The following PSME3IP1 variants were observed in gnomAD, a reference collection of about 807,000 sequenced individuals.
PSME3IP1 encodes the protein proteasome activator subunit 3 interacting protein 1.
PSME3IP1 carries 13 observed loss-of-function variants against 34.1 expected under a neutral mutation model. The ratio of observed to expected loss-of-function variants is 0.38; its 90% CI spans 0.25 to 0.61. The LOEUF is 0.61. Ranked by LOEUF, PSME3IP1 falls within the 20% of genes least tolerant of loss-of-function variation. PSME3IP1 has a pLI of 0.60. For missense variants in PSME3IP1, 237 were observed against 301.4 expected (o/e 0.79, Z 1.58); for synonymous variants, 93 against 114.3 (o/e 0.81, Z 1.19).
rs1597517267 is a variant in PSME3IP1, at chr16:57,152,594, C to T, written c.*1696G>A. The T allele has an allele frequency of 6.5e-6, 1 of 152,744 alleles. No individual in the cohort carries two copies. Among genetic ancestry groups the T allele is most frequent in the South Asian group, 2.1e-4 (1 of 4,818 alleles). 9.5% of individuals were successfully genotyped at this position (152,744 alleles called of 1,614,324 possible). On this transcript the variant is annotated 3_prime_UTR_variant, in exon 7 of 7. Coordinates refer to ENST00000309137, the MANE Select transcript of PSME3IP1 (RefSeq NM_024946.4). ...TAATGGCCTCTTAAGAGTCATGCCA[C>T]ATAAAGATGATGACTTTGATGTCCT... is the stretch of plus-strand genomic sequence containing the variant.
chr16:57,184,558 T>C (rs145769376), intron 1 of PSME3IP1, among the ~76,000 whole-genome samples: 34 of 152,360 alleles, frequency 2.2e-4, no homozygotes, highest in Non-Finnish European at 3.7e-4. Context: ...TGACTAATGG[T>C]GAACACGTTG....
At chr16:57,162,188 C>T (rs1392299318) in intron 6 of PSME3IP1, among the ~76,000 whole-genome samples, 1 of 152,192 alleles carries the variant, frequency 6.6e-6, no homozygotes, top group African/African-American at 2.4e-5. Flanking sequence ...AGGCATGAGC[C>T]ACTGCGCCTG....
chr16:57,169,086 G>T (rs1235301454), intron 4 of PSME3IP1, among the ~76,000 whole-genome samples: 1 of 151,882 alleles, frequency 6.6e-6, no homozygotes, highest in Non-Finnish European at 1.5e-5. Context: ...AGGGGTAGGG[G>T]GTGTTAATAA....
At chr16:57,160,611 A>G (rs1466394899) in intron 6 of PSME3IP1, among the ~76,000 whole-genome samples, 1 of 152,258 alleles carries the variant, frequency 6.6e-6, no homozygotes, top group Non-Finnish European at 1.5e-5. Context: ...CAGAACAGGG[A>G]AAGAATGAAA....
chr16:57,161,535 G>A (rs1435741534), intron 6 of PSME3IP1, among the ~76,000 whole-genome samples: 47 of 145,252 alleles, frequency 3.2e-4, no homozygotes, highest in African/African-American at 1.1e-3. Flanking sequence ...TTTTTGAGAC[G>A]GAGTCTCCCT....
chr16:57,165,881 G>A (rs991640197), intron 5 of PSME3IP1, among the ~76,000 whole-genome samples: 20 of 152,000 alleles, frequency 1.3e-4, no homozygotes, highest in Non-Finnish European at 7.4e-5. Flanking sequence ...CCCATTCTGC[G>A]ACCACCAAGA....
rs138602489 is a variant in PSME3IP1, at chr16:57,175,906, T to C, written c.-15-2037A>G. Among the ~76,000 whole-genome samples, 90 of 152,296 alleles carry C rather than the reference T, an allele frequency of 5.9e-4. No individual in the cohort carries two copies. The East Asian group carries it at 0.017, about 29-fold the overall frequency. Reference sequence around the variant, plus strand: ...AACCCAAACGTTCAGAACAAGAGAATAGTCTCAGCCTGAATACTACTGTTG... The same window carrying C: ...AACCCAAACGTTCAGAACAAGAGAACAGTCTCAGCCTGAATACTACTGTTG... On this transcript the variant is annotated intron_variant, in intron 1 of 6. Transcript: ENST00000309137.
In PSME3IP1 at chr16:57,164,039, C is replaced by T; in HGVS notation, c.509G>A (p.Arg170Lys). The change falls in exon 6 of 7, where the codon AGA becomes AAA. Residue 170 changes from arginine (R) to lysine (K), a missense_variant. Transcript: ENST00000309137. ...KSSESGNSVK[R>K]LKPDPEPDDK... ...ATCTGGCTCAGGGTCCGGTTTCAGT[C>T]TTTTCACACTGTTGCCACTCTCTGA... 6.2e-7 allele frequency: 1 copy of T among 1,614,172 alleles called. No homozygotes were observed. Among genetic ancestry groups the T allele is most frequent in the Non-Finnish European group, 8.5e-7 (1 of 1,180,024 alleles).
In PSME3IP1 at chr16:57,164,019, G is replaced by C; in HGVS notation, c.529C>G (p.Pro177Ala). The change falls in exon 6 of 7, where the codon CCA becomes GCA. Residue 177 changes from proline to alanine, a missense_variant. Coordinates refer to ENST00000309137, the MANE Select transcript of PSME3IP1 (RefSeq NM_024946.4). ...CACCCACCTTGATTCTTGTCATCTG[G>C]CTCAGGGTCCGGTTTCAGTCTTTTC... ...SVKRLKPDPE[P>A]DDKNQEPSSC... is the part of the protein sequence containing the mutation. 1.2e-6 allele frequency: 2 copies of C among 1,614,078 alleles called. No homozygotes were observed. Among genetic ancestry groups the C allele is most frequent in the Middle Eastern group, 1.6e-4 (1 of 6,062 alleles).
chr16:57,155,338 C>G (rs1161760919), intron 6 of PSME3IP1, among the ~76,000 whole-genome samples: 1 of 152,136 alleles, frequency 6.6e-6, no homozygotes, highest in Non-Finnish European at 1.5e-5. Context: ...CAATGCAGGG[C>G]TTGGCTGGGC....
Position 57,172,740 on chromosome 16 carries a change from C to A in PSME3IP1, c.226+36G>T, listed in dbSNP as rs1271608766. 2.7e-6 allele frequency: 4 copies of A among 1,474,024 alleles called. No individual in the cohort carries two copies. The African/African-American group carries it at 5.6e-5, about 20-fold the overall frequency. The allele number at this position is 1,474,024 out of a possible 1,614,324, so 91.3% of individuals were successfully genotyped here. On this transcript the variant is annotated intron_variant, in intron 3 of 6. Coordinates refer to ENST00000309137, the MANE Select transcript of PSME3IP1 (RefSeq NM_024946.4). ...GCAAAAGTGCGTCAAAAGTACCCCA[C>A]AGAGCCCCTTGAACTCTCTGTTTTC...
At chr16:57,174,338 A>T in intron 1 of PSME3IP1, 1 of 587,874 alleles carries the variant, frequency 1.7e-6, no homozygotes, top group Non-Finnish European at 2.1e-6. Flanking sequence ...TAGGCCATTG[A>T]TGAAAGCACA....
rs188341002 is a variant in PSME3IP1, at chr16:57,152,497, T to G, written c.*1793A>C. On this transcript the variant is annotated 3_prime_UTR_variant, in exon 7 of 7. Coordinates refer to ENST00000309137, the MANE Select transcript of PSME3IP1 (RefSeq NM_024946.4). ...TCTCTGACAGGTTTATTAGCTTTCA[T>G]GTTAATGGATGTTTTTAAACCCTGC... 1.2e-4 allele frequency: 18 copies of G among 152,392 alleles called. No individual in the cohort carries two copies. The highest frequency in any genetic ancestry group is 3.8e-4 in the African/African-American group (16 of 41,572). The allele number at this position is 152,392 out of a possible 1,614,324, so 9.4% of individuals were successfully genotyped here.
chr16:57,172,221 T>C (rs2072669550), intron 4 of PSME3IP1, 30 bp downstream of exon 4: 3 of 1,610,750 alleles, frequency 1.9e-6, no homozygotes, highest in Non-Finnish European at 2.5e-6. Context: ...ATGGACACCT[T>C]ACAGGTTTTC....
chr16:57,183,240 C>G (rs1482938599), intron 1 of PSME3IP1, among the ~76,000 whole-genome samples: 2 of 152,160 alleles, frequency 1.3e-5, no homozygotes, highest in Non-Finnish European at 2.9e-5. Flanking sequence ...TTCCAAATTT[C>G]AGAATACAGG....
At chr16:57,155,218 C>G (rs1181969835) in intron 6 of PSME3IP1, among the ~76,000 whole-genome samples, 2 of 152,164 alleles carry the variant, frequency 1.3e-5, no homozygotes, top group Admixed American at 1.3e-4. Context: ...TGAAGCCTGT[C>G]AGGTAACATT....
intron 1 of PSME3IP1, chr16:57,178,805 C>G (rs1401128636): frequency 1.0e-6 from 1 of 985,348 alleles, no homozygotes; most frequent in South Asian, 4.7e-5. Context: ...GAAAGCAGTA[C>G]TTGATGGAGA....
Position 57,167,229 on chromosome 16 carries a change from G to A in PSME3IP1, c.349-3C>T. The A allele has an allele frequency of 6.2e-7, 1 of 1,614,184 alleles. No individual in the cohort carries two copies. The highest frequency in any genetic ancestry group is 8.5e-7 in the Non-Finnish European group (1 of 1,180,020). Reference sequence around the variant, plus strand: ...ATTCCAACCTTCTTGAGGTTATTGTGAGTTACCAGTTAAGGGTCAAACTAA... The same window carrying A: ...ATTCCAACCTTCTTGAGGTTATTGTAAGTTACCAGTTAAGGGTCAAACTAA... On this transcript the variant is annotated splice_region_variant and splice_polypyrimidine_tract_variant and intron_variant, in intron 4 of 6. Transcript: ENST00000309137.
intron 6 of PSME3IP1, among the ~76,000 whole-genome samples, chr16:57,158,598 C>A (rs1030205620): frequency 8.6e-5 from 13 of 151,850 alleles, no homozygotes; most frequent in African/African-American, 2.7e-4. Flanking sequence ...AATAAAAAAA[C>A]AAACCAACAA....
Sources: allele counts gnomAD v4.1 joint callset (sites outside exome capture counted in the v4.1 genomes callset), GRCh38; gene constraint gnomAD v4.1.1; transcripts MANE v1.5; gene names NCBI Gene and HGNC (gene_info 2026-07-23, HGNC 2026-07-21).